KMT2E: variants seen among roughly 807,000 people sequenced by gnomAD.
The protein encoded by KMT2E is histone reader KMT2E.
KMT2E carries 30 observed loss-of-function variants against 184.6 expected under a neutral mutation model. That is an observed-to-expected ratio of 0.16 (90% confidence interval 0.12 to 0.22). KMT2E has a LOEUF of 0.22. Among genes scored for constraint, KMT2E ranks in the 10% least tolerant of loss-of-function variants. The pLI is 1.00. For missense variants in KMT2E, 2,023 were observed against 2,237.4 expected (o/e 0.90, Z 1.93); for synonymous variants, 815 against 776.5 (o/e 1.05, Z -0.82).
In KMT2E at chr7:105,080,784, G is replaced by C. The variant is rs1301455966; in HGVS notation, c.1249-904G>C. Among the ~76,000 whole-genome samples, 57 of 152,270 alleles carry C rather than the reference G, an allele frequency of 3.7e-4. 1 individual carries two copies. The highest frequency in any genetic ancestry group is 3.5e-3 in the Admixed American group (54 of 15,276). On this transcript the variant is annotated intron_variant, in intron 12 of 26. Coordinates refer to ENST00000311117, the MANE Select transcript of KMT2E (RefSeq NM_182931.3). ...CCAGCACTTTGGGAGGCCAAAGTGG[G>C]TGGATCACCTGAGGTCAGGAGTTCA...
chr7:105,097,455 G>C (rs988875037), intron 15 of KMT2E, among the ~76,000 whole-genome samples: 3 of 152,004 alleles, frequency 2.0e-5, no homozygotes, highest in African/African-American at 7.3e-5. Context: ...GCACAATCTT[G>C]GCTCACCGCA....
intron 12 of KMT2E, among the ~76,000 whole-genome samples, chr7:105,080,398 T>C (rs74402287): frequency 4.6e-5 from 7 of 151,706 alleles, no homozygotes; most frequent in East Asian, 1.9e-4. Context: ...TTTTTTTTTT[T>C]CCTCTCTTTT....
At chr7:105,022,636 T>C (rs925988162) in intron 1 of KMT2E, among the ~76,000 whole-genome samples, 8 of 152,180 alleles carry the variant, frequency 5.3e-5, no homozygotes, top group African/African-American at 1.9e-4. Flanking sequence ...CTCATTAAAC[T>C]TTCCTCTTCA....
rs146364945 is a variant in KMT2E, at chr7:105,019,761, A to C, written c.-189+5226A>C. 2.3e-3 allele frequency among the ~76,000 whole-genome samples: 354 copies of C among 152,276 alleles called. 1 individual carries two copies. Among genetic ancestry groups the C allele is most frequent in the African/African-American group, 7.8e-3 (325 of 41,558 alleles). On this transcript the variant is annotated intron_variant, in intron 1 of 26. Transcript: ENST00000311117. ...CTCTTAGGCTGCTTAATTTAGAGTTAATCCAAAGGAAGAAACATTCCTTCA... is the reference window on the plus strand; with the variant it reads ...CTCTTAGGCTGCTTAATTTAGAGTTCATCCAAAGGAAGAAACATTCCTTCA...
At chr7:105,091,641 G>C in intron 15 of KMT2E, 1 of 404,548 alleles carries the variant, frequency 2.5e-6, no homozygotes, top group East Asian at 3.9e-5. Flanking sequence ...TTAGCTAAAT[G>C]TATCCTCTCA....
At chr7:105,075,447 A>G (rs1044982809) in intron 8 of KMT2E, among the ~76,000 whole-genome samples, 1 of 152,178 alleles carries the variant, frequency 6.6e-6, no homozygotes, top group Admixed American at 6.5e-5. Context: ...CTTAAGGCCC[A>G]TTATGGGCTC....
chr7:105,064,165 T>TTG, intron 5 of KMT2E: 1 of 35,022 alleles, frequency 2.9e-5, no homozygotes. Context: ...TTTTTCTTGG[T>TTG]TTTTTTTTTT....
Position 105,109,165 on chromosome 7 carries a change from C to G in KMT2E, c.3692C>G (p.Thr1231Ser), listed in dbSNP as rs1440083820. 1.2e-6 allele frequency: 2 copies of G among 1,614,144 alleles called. No homozygotes were observed. Among genetic ancestry groups the G allele is most frequent in the Non-Finnish European group, 1.7e-6 (2 of 1,180,006 alleles). Reference protein sequence around the residue: ...ATVYNATSEETSNNCPVKDAT... With the variant: ...ATVYNATSEESSNNCPVKDAT... The stretch of plus-strand genomic sequence containing the variant: ...GTTTATAATGCCACTTCTGAAGAAA[C>G]TAGCAATAACTGCCCTGTTAAGGAT... Residue 1231 changes from threonine (T) to serine (S), a missense_variant, in exon 23 of 27, where the codon ACT becomes AGT. Transcript: ENST00000311117.
In KMT2E at chr7:105,106,627, C is replaced by T; in HGVS notation, c.2702C>T (p.Thr901Ile). The change falls in exon 20 of 27, where the codon ACC becomes ATC. Residue 901 changes from threonine (T) to isoleucine (I), a missense_variant. Thr to Ile is a moderately conservative substitution (Grantham distance 89). This residue lies in a region of KMT2E where 514 missense variants were observed against 621.8 expected (regional missense o/e 0.83). Transcript: ENST00000311117. The part of the protein sequence containing the change: ...TPSPYATPTH[T>I]DITPMDPSFA... ...TCCCCGTATGCTACACCAACTCACA[C>T]CGATATTACTCCTATGGACCCATCT... The T allele has an allele frequency of 6.2e-7, 1 of 1,614,104 alleles. No homozygotes were observed. Among genetic ancestry groups the T allele is most frequent in the Non-Finnish European group, 8.5e-7 (1 of 1,179,956 alleles).
Position 105,112,679 on chromosome 7 carries a change from A to G in KMT2E, c.4923A>G (p.Val1641=). Residue 1641 remains valine (V), a synonymous_variant, in exon 27 of 27, where the codon GTA becomes GTG. Transcript: ENST00000311117. ...PPPPAPGPHL[V]QQPNSHQQHS... ...CACCTGCTCCAGGACCGCACCTTGT[A>G]CAACAGCCGAATTCCCATCAGCAAC... 3.1e-6 allele frequency: 5 copies of G among 1,613,794 alleles called. No homozygotes were observed. The highest frequency in any genetic ancestry group is 4.2e-6 in the Non-Finnish European group (5 of 1,179,920).
chr7:105,100,223 A>C (rs1036677781), intron 15 of KMT2E, among the ~76,000 whole-genome samples: 14 of 152,222 alleles, frequency 9.2e-5, no homozygotes, highest in Non-Finnish European at 1.6e-4. Context: ...GTATTATTAG[A>C]GTACTTTTGT....
intron 17 of KMT2E, chr7:105,102,424 C>T: frequency 2.8e-6 from 1 of 353,664 alleles, no homozygotes; most frequent in Non-Finnish European, 5.0e-6. Context: ...TATGGTATTG[C>T]AATTCATGAT....
intron 6 of KMT2E, among the ~76,000 whole-genome samples, chr7:105,067,066 TAAAAAAAAA>T (rs11457088): frequency 8.7e-6 from 1 of 115,470 alleles, no homozygotes; most frequent in Admixed American, 1.0e-4. Flanking sequence ...CTTTTTTTTT[TAAAAAAAAA>T]AAAAAAAAAG....
chr7:105,015,765 T>G (rs1275417126), intron 1 of KMT2E, among the ~76,000 whole-genome samples: 1 of 152,158 alleles, frequency 6.6e-6, no homozygotes, highest in African/African-American at 2.4e-5. Context: ...TACAGGCTTA[T>G]TATGTTTACA....
chr7:105,085,161 TA>T (rs55918234), intron 13 of KMT2E, among the ~76,000 whole-genome samples: 41,466 of 152,044 alleles, frequency 0.27, 8,369 homozygotes, highest in East Asian at 0.58. Flanking sequence ...TGTATAACTA[TA>T]ATGTGCACAG....
intron 23 of KMT2E, 39 bp from the exon 24 acceptor site, chr7:105,110,241 T>C: frequency 1.3e-6 from 2 of 1,519,066 alleles, no homozygotes; most frequent in Non-Finnish European, 1.8e-6. Flanking sequence ...CTAGCAGTAG[T>C]TTCTTTCAAT....
Position 105,108,926 on chromosome 7 carries a change from A to T in KMT2E, c.3469-16A>T. ...AAGAATAAAAGATTTGCTTTTTCTCATCTTTCTTGCTTAAGGTTTCTCTAT... is the reference window on the plus strand; with the variant it reads ...AAGAATAAAAGATTTGCTTTTTCTCTTCTTTCTTGCTTAAGGTTTCTCTAT... On this transcript the variant is annotated splice_polypyrimidine_tract_variant and intron_variant, in intron 22 of 26. Coordinates refer to ENST00000311117, the MANE Select transcript of KMT2E (RefSeq NM_182931.3). 2 of 1,574,924 alleles carry T rather than the reference A, an allele frequency of 1.3e-6. No individual in the cohort carries two copies. The highest frequency in any genetic ancestry group is 1.8e-5 in the Admixed American group (1 of 55,386).
Position 105,106,636 on chromosome 7 carries a change from C to T in KMT2E, c.2711C>T (p.Thr904Ile), listed in dbSNP as rs759349560. Residue 904 changes from threonine (T) to isoleucine (I), a missense_variant, in exon 20 of 27, where the codon ACT (threonine) becomes ATT (isoleucine). Coordinates refer to ENST00000311117, the MANE Select transcript of KMT2E (RefSeq NM_182931.3). ...GCTACACCAACTCACACCGATATTACTCCTATGGACCCATCTTTTGCCACG... is the reference window on the plus strand; with the variant it reads ...GCTACACCAACTCACACCGATATTATTCCTATGGACCCATCTTTTGCCACG... The part of the protein sequence containing the change: ...PYATPTHTDI[T>I]PMDPSFATPP... 1 of 1,614,014 alleles carries T rather than the reference C, an allele frequency of 6.2e-7. No homozygotes were observed. Among genetic ancestry groups the T allele is most frequent in the Non-Finnish European group, 8.5e-7 (1 of 1,179,994 alleles).
rs1315736968 is a variant in KMT2E, at chr7:105,114,157, G to T, written c.*824G>T. ...ACAGAAGTTCTAGTTTTCAAATATA[G>T]ATTGTAAGGAGCCTTCAATTTTCTT... On this transcript the variant is annotated 3_prime_UTR_variant, in exon 27 of 27. Coordinates refer to ENST00000311117, the MANE Select transcript of KMT2E (RefSeq NM_182931.3). 3.9e-5 allele frequency: 6 copies of T among 152,304 alleles called. No individual in the cohort carries two copies. Among genetic ancestry groups the T allele is most frequent in the Non-Finnish European group, 7.3e-5 (5 of 68,032 alleles). 9.4% of individuals were successfully genotyped at this position (152,304 alleles called of 1,614,324 possible). A position where few individuals can be genotyped will look rare whatever the true frequency, so the allele number is the denominator to read the frequency against.
Sources: gnomAD v4.1 joint callset for allele counts (sites outside exome capture counted in the v4.1 genomes callset) on GRCh38, gnomAD v4.1.1 for gene constraint, gnomAD v4.1.1 regional missense constraint, MANE v1.5 for transcripts, NCBI Gene and HGNC (gene_info 2026-07-23, HGNC 2026-07-21) for gene names.